SLC12A2: variants seen among roughly 807,000 people sequenced by gnomAD.
SLC12A2 encodes solute carrier family 12 member 2.
In SLC12A2, 67 loss-of-function variants were observed where a neutral mutation model predicts 136.3. The observed-to-expected ratio is 0.49, with a 90% CI of 0.40 to 0.60. The LOEUF (loss-of-function observed/expected upper bound fraction) is 0.60. Ranked by LOEUF, SLC12A2 falls within the 20% of genes least tolerant of loss-of-function variation. The pLI, the probability that SLC12A2 is intolerant of heterozygous loss-of-function variation, is 0.00. For missense variants in SLC12A2, 1,322 were observed against 1,534.7 expected, an observed-to-expected ratio of 0.86 and a Z score of 2.32; for synonymous variants, 619 against 562.9, an observed-to-expected ratio of 1.10 and a Z score of -1.41.
At position 128,141,945 on chromosome 5, in the gene SLC12A2, C is replaced by A. The variant is rs1407654928; in HGVS notation, c.1737C>A (p.Ser579Arg). 1.2e-6 allele frequency: 2 copies of A among 1,613,806 alleles called. No individual in the cohort carries two copies. Among genetic ancestry groups the A allele is most frequent in the African/African-American group, 1.3e-5 (1 of 74,904 alleles). The change falls in exon 10 of 27, where the codon AGC (serine) becomes AGA (arginine). Residue 579 changes from serine (S) to arginine (R), a missense_variant. Around this residue, in one of 8 missense-constraint regions of SLC12A2, gnomAD observed 294 missense variants for 436.6 expected, o/e 0.67. Transcript: ENST00000262461. ...ACTTTGATTTTTCATCTTGTGAAAG[C>A]AGTCCTTGTTCCTATGGCCTAATGA... Reference protein sequence around the residue: ...KLNFDFSSCESSPCSYGLMNN... With the variant: ...KLNFDFSSCERSPCSYGLMNN...
intron 1 of SLC12A2, among the ~76,000 whole-genome samples, chr5:128,089,169 CAAAAAAAAAA>C (rs34686489): frequency 8.3e-6 from 1 of 119,780 alleles, no homozygotes; most frequent in African/African-American, 3.2e-5. Context: ...ACTTTGTCTC[CAAAAAAAAAA>C]AAAAAAAGAA....
At chr5:128,185,798 AGG>A (rs1763847891) in intron 26 of SLC12A2, among the ~76,000 whole-genome samples, 6 of 152,178 alleles carry the variant, frequency 3.9e-5, no homozygotes, top group Admixed American at 3.9e-4. Flanking sequence ...TAGATATCAG[AGG>A]TACTGTGGTT....
intron 16 of SLC12A2, among the ~76,000 whole-genome samples, chr5:128,160,609 A>C (rs969045146): frequency 6.6e-6 from 1 of 152,028 alleles, no homozygotes; most frequent in African/African-American, 2.4e-5. Flanking sequence ...AAAATAATGA[A>C]CCTTTTTTAA....
intron 1 of SLC12A2, among the ~76,000 whole-genome samples, chr5:128,096,639 G>C (rs1760548188): frequency 6.6e-6 from 1 of 151,996 alleles, no homozygotes; most frequent in South Asian, 2.1e-4. Context: ...AATGTTTTCT[G>C]GCAAAGCTGG....
intron 26 of SLC12A2, 35 bp from the exon 27 acceptor site, chr5:128,186,461 G>GTTTTTTTTT (rs11382084): frequency 2.5e-4 from 329 of 1,323,144 alleles, no homozygotes; most frequent in East Asian, 5.9e-4. Flanking sequence ...ATTGCTCAGG[G>GTTTTTTTTT]TTTTTTTTTT....
intron 15 of SLC12A2, among the ~76,000 whole-genome samples, chr5:128,153,018 G>A (rs1762753846): frequency 6.6e-6 from 1 of 152,144 alleles, no homozygotes; most frequent in Non-Finnish European, 1.5e-5. Context: ...ACTTTTAAAT[G>A]ATGGGTATGA....
In SLC12A2 at chr5:128,121,369, C is replaced by G. The variant is rs1019868041; in HGVS notation, c.1048+6688C>G. ...ACAGAGTCTTGCTCTGTTGCCCAGG[C>G]TGGAGTAAAGTGGCACGATCTCGGC... On this transcript the variant is annotated intron_variant, in intron 4 of 26. Coordinates refer to ENST00000262461, the MANE Select transcript of SLC12A2 (RefSeq NM_001046.3). Among the ~76,000 whole-genome samples the G allele has an allele frequency of 4.6e-5, 7 of 152,072 alleles. No individual in the cohort carries two copies. The East Asian group carries it at 1.4e-3, about 29-fold the overall frequency.
At chr5:128,169,473 T>A (rs1383777882) in intron 18 of SLC12A2, 1 of 152,204 alleles carries the variant, frequency 6.6e-6, no homozygotes, top group Non-Finnish European at 1.5e-5. Context: ...AAAGGATCTC[T>A]TTATATGGAT....
chr5:128,127,246 C>T (rs866098608), intron 4 of SLC12A2, among the ~76,000 whole-genome samples: 5 of 149,840 alleles, frequency 3.3e-5, no homozygotes, highest in African/African-American at 7.4e-5. Context: ...CTCAGCCTCC[C>T]GAGTAGCCGG....
chr5:128,105,926 A>G (rs1760916975), intron 1 of SLC12A2, among the ~76,000 whole-genome samples: 1 of 152,132 alleles, frequency 6.6e-6, no homozygotes, highest in Non-Finnish European at 1.5e-5. Flanking sequence ...ACTGCTGGAT[A>G]GGACTCTAAT....
At chr5:128,130,306 G>T (rs1398070502) in intron 4 of SLC12A2, among the ~76,000 whole-genome samples, 1 of 152,034 alleles carries the variant, frequency 6.6e-6, no homozygotes. Context: ...GCTGAGGTCA[G>T]GAGATTGAGA....
intron 1 of SLC12A2, among the ~76,000 whole-genome samples, chr5:128,099,654 T>G (rs1458657177): frequency 6.6e-6 from 1 of 152,230 alleles, no homozygotes; most frequent in Non-Finnish European, 1.5e-5. Flanking sequence ...CTTTGTATCC[T>G]TGTTCTACAA....
At chr5:128,154,639 G>T (rs1168679504) in intron 15 of SLC12A2, among the ~76,000 whole-genome samples, 1 of 152,084 alleles carries the variant, frequency 6.6e-6, no homozygotes, top group Admixed American at 6.6e-5. Flanking sequence ...ATCCACAGGG[G>T]TTGTGTTCCA....
At chr5:128,139,155 AATT>A (rs1762275382) in intron 9 of SLC12A2, among the ~76,000 whole-genome samples, 1 of 152,180 alleles carries the variant, frequency 6.6e-6, no homozygotes, top group Non-Finnish European at 1.5e-5. Flanking sequence ...TAAATTAAAA[AATT>A]ATATGAAATT....
chr5:128,138,419 A>G (rs1385432533), intron 7 of SLC12A2, among the ~76,000 whole-genome samples, 178 bp from the exon 8 acceptor site: 1 of 152,196 alleles, frequency 6.6e-6, no homozygotes, highest in Non-Finnish European at 1.5e-5. Context: ...TTGATGGTAA[A>G]CCATTGTCTC....
intron 1 of SLC12A2, chr5:128,110,447 A>G: frequency 8.3e-7 from 1 of 1,208,972 alleles, no homozygotes; most frequent in Non-Finnish European, 1.2e-6. Context: ...TGAGCTGGTT[A>G]AACTCAGTAG....
In SLC12A2 at chr5:128,171,715, A is replaced by C. The variant is rs781237703; in HGVS notation, c.2772A>C (p.Glu924Asp). The change falls in exon 19 of 27, where the codon GAA becomes GAC. Residue 924 changes from glutamate to aspartate, a missense_variant. Physicochemically the swap from Glu to Asp is conservative, Grantham distance 45. Around this residue, in one of 8 missense-constraint regions of SLC12A2, gnomAD observed 226 missense variants for 210.4 expected, o/e 1.07. Coordinates refer to ENST00000262461, the MANE Select transcript of SLC12A2 (RefSeq NM_001046.3). ...QYGVVVIRLK[E>D]GLDISHLQGQ... ...GAGTAGTGGTTATTCGCCTAAAAGA[A>C]GGTCTGGATATATCTCATCTTCAAG... The C allele has an allele frequency of 6.3e-7, 1 of 1,590,942 alleles. No individual in the cohort carries two copies. Among genetic ancestry groups the C allele is most frequent in the Admixed American group, 1.9e-5 (1 of 53,304 alleles).
intron 17 of SLC12A2, among the ~76,000 whole-genome samples, chr5:128,162,783 A>G (rs891165521): frequency 2.6e-5 from 4 of 152,218 alleles, no homozygotes; most frequent in African/African-American, 4.8e-5. Flanking sequence ...CTTATTCCAT[A>G]TCCATTAGAC....
rs371200970 is a variant in SLC12A2, at chr5:128,148,068, A to G, written c.1881+339A>G. ...GACTGAAAATAGGAAGTAGTAAAAT[A>G]TCTTTGTTCTAGTCAGTATGATATC... is the stretch of plus-strand genomic sequence containing the variant. On this transcript the variant is annotated intron_variant, in intron 11 of 26. Transcript: ENST00000262461. Among the ~76,000 whole-genome samples, 11 of 151,760 alleles carry G rather than the reference A, an allele frequency of 7.2e-5. No individual in the cohort carries two copies. The East Asian group carries it at 1.7e-3, about 24-fold the overall frequency.
Sources: gnomAD v4.1 joint callset for allele counts (sites outside exome capture counted in the v4.1 genomes callset) on GRCh38, gnomAD v4.1.1 for gene constraint, gnomAD v4.1.1 regional missense constraint, MANE v1.5 for transcripts, NCBI Gene and HGNC (gene_info 2026-07-23, HGNC 2026-07-21) for gene names.